The following PMPCB variants were observed in gnomAD, a reference collection of about 807,000 sequenced individuals.
PMPCB encodes the protein peptidase, mitochondrial processing subunit beta.
Under a neutral mutation model 61.5 loss-of-function variants are expected in PMPCB, and 46 were observed. The observed-to-expected ratio is 0.75, with a 90% CI of 0.59 to 0.96. The LOEUF (loss-of-function observed/expected upper bound fraction) is 0.96. Among genes scored for constraint, PMPCB ranks in the 40% least tolerant of loss-of-function variants. The pLI is 0.00. For synonymous variants in PMPCB, 191 were observed against 201.6 expected, an observed-to-expected ratio of 0.95 and a Z score of 0.44; for missense variants, 590 against 602.4, an observed-to-expected ratio of 0.98 and a Z score of 0.22.
At chr7:103,299,568 G>C (rs1228917437) in intron 3 of PMPCB, 39 bp downstream of exon 3, 1 of 1,161,740 alleles carries the variant, frequency 8.6e-7, no homozygotes, top group South Asian at 1.3e-5. Flanking sequence ...CTCTCTTTAA[G>C]AGATAATAAG....
At chr7:103,335,036 G>A in the PMPCB span, among the ~76,000 whole-genome samples, 3 of 152,098 alleles carry the variant, frequency 2.0e-5, no homozygotes, top group South Asian at 4.1e-4. Context: ...GTTTCGCCAT[G>A]TTGGCCAGGC....
At chr7:103,334,858 C>T in the PMPCB span, among the ~76,000 whole-genome samples, 1 of 152,080 alleles carries the variant, frequency 6.6e-6, no homozygotes, top group Non-Finnish European at 1.5e-5. Context: ...TTTTTTGAGG[C>T]AGTTTCCCTC....
At chr7:103,316,183 A>G (rs1818044484), downstream of PMPCB, 6 of 708,620 alleles carry the variant, frequency 8.5e-6, no homozygotes, top group African/African-American at 1.8e-5. Flanking sequence ...GAAAGGTTAT[A>G]GTATGTACAG....
In PMPCB at chr7:103,312,750, A is replaced by C; in HGVS notation, c.*479A>C. The C allele has an allele frequency of 6.5e-7, 1 of 1,535,944 alleles. No individual in the cohort carries two copies. The highest frequency in any genetic ancestry group is 1.3e-5 in the South Asian group (1 of 77,268). On this transcript the variant is annotated 3_prime_UTR_variant, in exon 13 of 13. Coordinates refer to ENST00000249269, the MANE Select transcript of PMPCB (RefSeq NM_004279.3). Reference sequence around the variant, plus strand: ...AAGCAACTAAGATAGATAGTACTAAATATACTGATTTCATTATCTGCCAGG... The same window carrying C: ...AAGCAACTAAGATAGATAGTACTAACTATACTGATTTCATTATCTGCCAGG...
chr7:103,322,489 C>T, intron 12 of PMPCB: 1 of 1,429,264 alleles, frequency 7.0e-7, no homozygotes, highest in Middle Eastern at 1.8e-4. Context: ...TTAAAGTCCA[C>T]CTTCATTAAA....
rs1283163769 is a variant in PMPCB at position 103,297,838 on chromosome 7, G to C, written c.99+280G>C. The C allele has an allele frequency of 4.0e-6, 6 of 1,503,720 alleles. No homozygotes were observed. The Admixed American group carries it at 1.2e-4, about 30-fold the overall frequency. 93.1% of individuals were successfully genotyped at this position (1,503,720 alleles called of 1,614,324 possible). A position where few individuals can be genotyped will look rare whatever the true frequency, so the allele number is the denominator to read the frequency against. ...CATGTTTGACCACTAAAAACGTAGT[G>C]CTTGCAAATTGGGGAAAACTAAAAA... On this transcript the variant is annotated intron_variant, in intron 1 of 12. Transcript: ENST00000249269.
downstream of PMPCB, among the ~76,000 whole-genome samples, chr7:103,332,365 T>G (rs1190413520): frequency 6.6e-6 from 1 of 152,212 alleles, no homozygotes; most frequent in Non-Finnish European, 1.5e-5. Context: ...TAATAGGAAT[T>G]GTTTGTAGGA....
rs746973010 is a variant in PMPCB at position 103,311,816 on chromosome 7, C to T, written c.1249C>T (p.Pro417Ser). ...TCCTTCTCTTTAAACAGGTTCAACT[C>T]CAATTTGTGAAGATATTGGTAGGCA... Reference protein sequence around the residue: ...NMLLQLDGSTPICEDIGRQML... With the variant: ...NMLLQLDGSTSICEDIGRQML... Residue 417 changes from proline (P) to serine (S), a missense_variant, in exon 11 of 13, where the codon CCA (proline) becomes TCA (serine). Transcript: ENST00000249269. 8 of 1,611,924 alleles carry T rather than the reference C, an allele frequency of 5.0e-6. No individual in the cohort carries two copies. The South Asian group carries it at 7.7e-5, about 16-fold the overall frequency.
the PMPCB span, among the ~76,000 whole-genome samples, chr7:103,334,655 C>G: frequency 2.0e-5 from 3 of 151,648 alleles, no homozygotes; most frequent in Admixed American, 1.3e-4. Context: ...GCTATGTTGT[C>G]CAGGTTGGTC....
At chr7:103,305,306 T>C (rs1817547795) in intron 6 of PMPCB, among the ~76,000 whole-genome samples, 1 of 152,178 alleles carries the variant, frequency 6.6e-6, no homozygotes, top group Admixed American at 6.5e-5. Flanking sequence ...AGGTCATGTT[T>C]GAAGCCAGTG....
chr7:103,327,976 A>G (rs986445676), intron 12 of PMPCB, among the ~76,000 whole-genome samples: 12 of 152,148 alleles, frequency 7.9e-5, no homozygotes, highest in African/African-American at 2.4e-4. Context: ...GCTGGAGTGT[A>G]ATGGCACGAT....
intron 4 of PMPCB, among the ~76,000 whole-genome samples, chr7:103,301,502 A>C (rs1817449695): frequency 6.6e-6 from 1 of 152,222 alleles, no homozygotes; most frequent in South Asian, 2.1e-4. Flanking sequence ...ACAGAACAAC[A>C]GGGAAGGCAA....
chr7:103,340,830 A>G, the PMPCB span, among the ~76,000 whole-genome samples: 2 of 152,228 alleles, frequency 1.3e-5, no homozygotes, highest in Non-Finnish European at 2.9e-5. Flanking sequence ...TTTTGGAGTC[A>G]TAGACCAATT....
In PMPCB at chr7:103,307,579, A is replaced by AT. The variant is rs768117477; in HGVS notation, c.737-13dup. The AT allele has an allele frequency of 6.8e-7, 1 of 1,460,358 alleles. No individual in the cohort carries two copies. The highest frequency in any genetic ancestry group is 9.6e-7 in the Non-Finnish European group (1 of 1,040,116). The allele number at this position is 1,460,358 out of a possible 1,614,324, so 90.5% of individuals were successfully genotyped here. ...ATTGCTGCTAGATACATGTGAAAAT[A>AT]TTTTCTTTCAATTTAGGTGTTTCCC... On this transcript the variant is annotated splice_polypyrimidine_tract_variant and intron_variant, in intron 6 of 12. Coordinates refer to ENST00000249269, the MANE Select transcript of PMPCB (RefSeq NM_004279.3).
chr7:103,347,538 A>C, the PMPCB span: 1 of 648,230 alleles, frequency 1.5e-6, no homozygotes, highest in Admixed American at 2.8e-5. Flanking sequence ...TCAGTCCAAA[A>C]ACCAGCGTGC....
In PMPCB at chr7:103,306,027, G is replaced by T. The variant is rs531087404; in HGVS notation, c.736+1537G>T. ...AGTTTAATGGCTTATAGATTAATTA[G>T]TATTCATTTTAAATACTACATAAGT... On this transcript the variant is annotated intron_variant, in intron 6 of 12. Transcript: ENST00000249269. Among the ~76,000 whole-genome samples the T allele has an allele frequency of 2.0e-5, 3 of 152,228 alleles. No individual in the cohort carries two copies. The South Asian group carries it at 6.2e-4, about 32-fold the overall frequency.
intron 7 of PMPCB, among the ~76,000 whole-genome samples, chr7:103,308,632 GA>G (rs1431442162): frequency 1.3e-5 from 2 of 151,970 alleles, no homozygotes; most frequent in Non-Finnish European, 2.9e-5. Flanking sequence ...AAAAAAGAAA[GA>G]AAAAGACAAA....
chr7:103,319,068 C>A (rs1333539392), downstream of PMPCB, among the ~76,000 whole-genome samples: 1 of 151,978 alleles, frequency 6.6e-6, no homozygotes, highest in African/African-American at 2.4e-5. Context: ...AAAAATCAGC[C>A]GGGCATGGTG....
chr7:103,345,977 A>C, the PMPCB span, among the ~76,000 whole-genome samples: 1 of 151,914 alleles, frequency 6.6e-6, no homozygotes, highest in East Asian at 1.9e-4. Flanking sequence ...CTTCTGCCCC[A>C]AAACCTCTTC....
Sources: allele counts gnomAD v4.1 joint callset (sites outside exome capture counted in the v4.1 genomes callset), GRCh38; gene constraint gnomAD v4.1.1; transcripts MANE v1.5; gene names NCBI Gene and HGNC (gene_info 2026-07-23, HGNC 2026-07-21).